Variants in APBA2 observed in about 807,000 individuals in gnomAD.
APBA2 encodes amyloid beta precursor protein binding family A member 2.
Under a neutral mutation model 75.0 loss-of-function variants are expected in APBA2, and 30 were observed. The ratio of observed to expected loss-of-function variants is 0.40; its 90% CI spans 0.30 to 0.54. The LOEUF (loss-of-function observed/expected upper bound fraction) is 0.54, where lower values mean the gene tolerates loss of function less well. Among genes scored for constraint, APBA2 ranks in the 20% least tolerant of loss-of-function variants. APBA2 has a pLI of 0.49. For synonymous variants in APBA2, 444 were observed against 409.6 expected, an observed-to-expected ratio of 1.08 and a Z score of -1.01; for missense variants, 801 against 1,016.1, an observed-to-expected ratio of 0.79 and a Z score of 2.88.
chr15:28,915,772 C>T (rs1566794492), intron 1 of APBA2, among the ~76,000 whole-genome samples: 1 of 150,582 alleles, frequency 6.6e-6, no homozygotes, highest in African/African-American at 2.4e-5. Context: ...CACTACATTA[C>T]ACTCCACACA....
chr15:29,007,530 A>C (rs914507716), intron 3 of APBA2, among the ~76,000 whole-genome samples: 1 of 152,266 alleles, frequency 6.6e-6, no homozygotes, highest in Non-Finnish European at 1.5e-5. Flanking sequence ...AGAATTTAAC[A>C]TAAAAAGAAG....
rs1211511737 is a variant in APBA2, at chr15:29,118,187, T to A, written c.*1054T>A. ...AGGCCTTGAAGAATACACTGTGACT[T>A]AAGAAGCCTTACCACGCAGTAACTA... On this transcript the variant is annotated 3_prime_UTR_variant, in exon 15 of 15. Transcript: ENST00000683413. The A allele has an allele frequency of 2.6e-5, 4 of 152,658 alleles. No individual in the cohort carries two copies. Among genetic ancestry groups the A allele is most frequent in the Non-Finnish European group, 4.4e-5 (3 of 68,048 alleles). The allele number at this position is 152,658 out of a possible 1,614,324, so 9.5% of individuals were successfully genotyped here. A position where few individuals can be genotyped will look rare whatever the true frequency, so the allele number is the denominator to read the frequency against.
At chr15:28,969,156 CTT>C (rs2036915524) in intron 2 of APBA2, among the ~76,000 whole-genome samples, 3 of 76,966 alleles carry the variant, frequency 3.9e-5, no homozygotes, top group Non-Finnish European at 5.9e-5. Context: ...TTCTTTCTTT[CTT>C]TCTTTCTTTC....
At chr15:28,930,881 C>T (rs375445281) in intron 2 of APBA2, among the ~76,000 whole-genome samples, 3 of 152,218 alleles carry the variant, frequency 2.0e-5, no homozygotes, top group South Asian at 4.1e-4. Context: ...TCCTTCAAGG[C>T]GGCCCCAGGC....
chr15:29,093,167 C>G lies in APBA2; in HGVS notation c.1162C>G (p.Pro388Ala), dbSNP rs1042523150. 1 of 1,614,266 alleles carries G rather than the reference C, an allele frequency of 6.2e-7. No individual in the cohort carries two copies. The highest frequency in any genetic ancestry group is 1.3e-5 in the African/African-American group (1 of 75,076). ...GSTQLLSERN[P>A]SKNIRMMQAQ... Reference sequence around the variant, plus strand: ...CACCCAGCTGCTATCAGAACGGAACCCTTCCAAAAACATCAGAATGATGCA... The same window carrying G: ...CACCCAGCTGCTATCAGAACGGAACGCTTCCAAAAACATCAGAATGATGCA... Residue 388 changes from proline to alanine, a missense_variant, in exon 7 of 15, where the codon CCT (proline) becomes GCT (alanine). Pro to Ala is a conservative substitution (Grantham distance 27). This residue lies in a region of APBA2 where 367 missense variants were observed against 544.5 expected (regional missense o/e 0.67). Transcript: ENST00000683413.
intron 3 of APBA2, among the ~76,000 whole-genome samples, chr15:29,044,888 G>A (rs999399711): frequency 2.0e-5 from 3 of 152,170 alleles, no homozygotes; most frequent in Non-Finnish European, 2.9e-5. Context: ...TCTGGAGGCT[G>A]GGAAGTCTGT....
intron 2 of APBA2, among the ~76,000 whole-genome samples, chr15:28,995,523 C>A (rs1468409552): frequency 6.6e-6 from 1 of 152,212 alleles, no homozygotes; most frequent in East Asian, 1.9e-4. Context: ...TTTATTTGCC[C>A]AACACATTGT....
intron 11 of APBA2, among the ~76,000 whole-genome samples, chr15:29,106,394 C>T (rs1026175195): frequency 2.1e-5 from 3 of 141,800 alleles, no homozygotes; most frequent in East Asian, 2.1e-4. Context: ...TGGGTGGACC[C>T]CAGGAAGGTG....
intron 2 of APBA2, among the ~76,000 whole-genome samples, chr15:28,984,921 CT>C (rs1482601174): frequency 1.1e-4 from 17 of 151,086 alleles, no homozygotes; most frequent in African/African-American, 3.9e-4. Flanking sequence ...TGCTCTCTCT[CT>C]CTCTCTCTCT....
rs550956756 is a variant in APBA2, at chr15:29,091,956, G to C, written c.1070-1119G>C. 2.6e-5 allele frequency among the ~76,000 whole-genome samples: 4 copies of C among 152,304 alleles called. No individual in the cohort carries two copies. In the East Asian group the frequency reaches 7.7e-4, roughly 29 times the overall value. The stretch of plus-strand genomic sequence containing the variant: ...CAAAATCCCCAGTGGAAGGGGCTCT[G>C]GCCAGGAGGTGGGCAGTCGGGAGGG... On this transcript the variant is annotated intron_variant, in intron 6 of 14. Coordinates refer to ENST00000683413, the MANE Select transcript of APBA2 (RefSeq NM_001353788.2).
At chr15:29,062,141 G>C (rs1188916434) in intron 4 of APBA2, among the ~76,000 whole-genome samples, 3 of 152,162 alleles carry the variant, frequency 2.0e-5, no homozygotes, top group Admixed American at 2.0e-4. Context: ...GTCCTCTCCA[G>C]CCCCCAGGCC....
intron 2 of APBA2, among the ~76,000 whole-genome samples, chr15:28,928,607 G>T (rs1378393298): frequency 2.6e-5 from 4 of 152,166 alleles, no homozygotes; most frequent in African/African-American, 9.7e-5. Flanking sequence ...AGGCCAGAGG[G>T]GGCTGGACTC....
At chr15:28,894,730 C>G (rs1303059941) in intron 1 of APBA2, among the ~76,000 whole-genome samples, 3 of 152,070 alleles carry the variant, frequency 2.0e-5, no homozygotes, top group Non-Finnish European at 2.9e-5. Context: ...GTTTACCAAG[C>G]GAACTCTAGG....
intron 2 of APBA2, among the ~76,000 whole-genome samples, chr15:28,921,968 A>G (rs989732754): frequency 1.3e-5 from 2 of 152,254 alleles, no homozygotes; most frequent in African/African-American, 4.8e-5. Context: ...AAGGGGAAGA[A>G]CAGACATTTA....
chr15:29,092,233 C>A (rs1381482948), intron 6 of APBA2, among the ~76,000 whole-genome samples: 1 of 152,206 alleles, frequency 6.6e-6, no homozygotes, highest in Non-Finnish European at 1.5e-5. Context: ...CCATCTCCCC[C>A]TTTACAGGAA....
At chr15:28,962,546 C>G (rs553413340) in intron 2 of APBA2, among the ~76,000 whole-genome samples, 2 of 150,772 alleles carry the variant, frequency 1.3e-5, no homozygotes, top group African/African-American at 5.0e-5. Flanking sequence ...TCCAGCCTGG[C>G]GACAGTGAGA....
intron 6 of APBA2, among the ~76,000 whole-genome samples, chr15:29,092,186 A>G (rs973802510): frequency 6.6e-6 from 1 of 152,170 alleles, no homozygotes; most frequent in Non-Finnish European, 1.5e-5. Context: ...ACAACGGTGA[A>G]TAGTTGCAAC....
At chr15:28,904,821 G>C (rs961451275) in intron 1 of APBA2, among the ~76,000 whole-genome samples, 1 of 152,184 alleles carries the variant, frequency 6.6e-6, no homozygotes, top group Non-Finnish European at 1.5e-5. Context: ...GGGGAAGCCC[G>C]TGGAGAATTT....
At chr15:28,984,912 GCTCT>G (rs72448868) in intron 2 of APBA2, among the ~76,000 whole-genome samples, 34 of 139,550 alleles carry the variant, frequency 2.4e-4, no homozygotes, top group Middle Eastern at 3.7e-3. Context: ...GGGGGGAGCT[GCTCT>G]CTCTCTCTCT....
Sources: gnomAD v4.1 joint callset for allele counts (sites outside exome capture counted in the v4.1 genomes callset) on GRCh38, gnomAD v4.1.1 for gene constraint, gnomAD v4.1.1 regional missense constraint, MANE v1.5 for transcripts, NCBI Gene and HGNC (gene_info 2026-07-23, HGNC 2026-07-21) for gene names.